Variants in UBE2E2 observed in about 807,000 individuals in gnomAD.
UBE2E2 encodes ubiquitin-conjugating enzyme E2 E2.
In UBE2E2, 6 loss-of-function variants were observed where a neutral mutation model predicts 24.7. The ratio of observed to expected loss-of-function variants is 0.24; its 90% CI spans 0.13 to 0.48. The LOEUF (loss-of-function observed/expected upper bound fraction) is 0.48, where lower values mean the gene tolerates loss of function less well. Ranked by LOEUF, UBE2E2 falls within the 20% of genes least tolerant of loss-of-function variation. The pLI is 0.99. For synonymous variants in UBE2E2, 104 were observed against 83.6 expected (o/e 1.24, Z -1.33); for missense variants, 169 against 245.0 (o/e 0.69, Z 2.07).
At chr3:23,349,413 C>A (rs1457076865) in intron 3 of UBE2E2, among the ~76,000 whole-genome samples, 3 of 152,186 alleles carry the variant, frequency 2.0e-5, no homozygotes, top group Middle Eastern at 3.2e-3. Flanking sequence ...CTGTGCGCGA[C>A]CCGAAGCAGG....
chr3:23,315,428 T>C (rs1277448841), intron 3 of UBE2E2, among the ~76,000 whole-genome samples: 4 of 152,194 alleles, frequency 2.6e-5, no homozygotes, highest in Non-Finnish European at 5.9e-5. Context: ...CTTCAGTATG[T>C]CAGTTGCATT....
At chr3:23,563,987 G>GAAAGAAAA (rs1553621227) in intron 5 of UBE2E2, among the ~76,000 whole-genome samples, 1 of 148,082 alleles carries the variant, frequency 6.8e-6, no homozygotes. Flanking sequence ...AAGAAAGAAA[G>GAAAGAAAA]AAAAAGAAAA....
intron 3 of UBE2E2, among the ~76,000 whole-genome samples, chr3:23,422,454 A>G (rs1269371694): frequency 6.6e-6 from 1 of 152,212 alleles, no homozygotes; most frequent in Non-Finnish European, 1.5e-5. Flanking sequence ...ATTTTTCAAG[A>G]GAAACCAAGA....
chr3:23,514,641 A>G lies in UBE2E2; in HGVS notation c.360+14901A>G, dbSNP rs187277507. 5.3e-5 allele frequency among the ~76,000 whole-genome samples: 8 copies of G among 152,086 alleles called. No homozygotes were observed. The East Asian group carries it at 1.2e-3, about 22-fold the overall frequency. Reference sequence around the variant, plus strand: ...AGATGGTGTGTCGGTGCCTGACTGCATGAGAAATGACAAATGGAAGGAGGC... The same window carrying G: ...AGATGGTGTGTCGGTGCCTGACTGCGTGAGAAATGACAAATGGAAGGAGGC... On this transcript the variant is annotated intron_variant, in intron 4 of 5. Coordinates refer to ENST00000396703, the MANE Select transcript of UBE2E2 (RefSeq NM_152653.4).
intron 3 of UBE2E2, among the ~76,000 whole-genome samples, chr3:23,332,718 T>TGTGTGTGTGTGTGTGTGCGC (rs1491331498): frequency 6.7e-6 from 1 of 148,260 alleles, no homozygotes; most frequent in African/African-American, 2.5e-5. Context: ...TGTGTGTGTG[T>TGTGTGTGTGTGTGTGTGCGC]GCAGCTATGG....
chr3:23,547,080 G>A (rs1695542044), intron 5 of UBE2E2, among the ~76,000 whole-genome samples: 1 of 152,160 alleles, frequency 6.6e-6, no homozygotes, highest in Admixed American at 6.5e-5. Flanking sequence ...GTATAAATAA[G>A]AAATTAAGTT....
intron 5 of UBE2E2, among the ~76,000 whole-genome samples, chr3:23,549,915 C>T (rs2125497881): frequency 6.6e-6 from 1 of 151,852 alleles, no homozygotes; most frequent in African/African-American, 2.4e-5. Flanking sequence ...TACTGGTAAT[C>T]CCAGCTACTC....
At chr3:23,591,847 G>GT (rs1326469231), downstream of UBE2E2, 3 of 152,102 alleles carry the variant, frequency 2.0e-5, no homozygotes, top group Admixed American at 6.5e-5. Context: ...TCACCACAAA[G>GT]TTTTTTATTT....
chr3:23,266,502 G>A (rs1192999302), intron 3 of UBE2E2, among the ~76,000 whole-genome samples: 14 of 152,174 alleles, frequency 9.2e-5, no homozygotes, highest in Admixed American at 3.9e-4. Context: ...AGTTTCTGCC[G>A]AGAGATCAGC....
chr3:23,406,988 A>G (rs2125376945), intron 3 of UBE2E2, among the ~76,000 whole-genome samples: 1 of 152,336 alleles, frequency 6.6e-6, no homozygotes. Context: ...GGTCCACAGG[A>G]AAGCCCATTC....
intron 3 of UBE2E2, among the ~76,000 whole-genome samples, chr3:23,247,692 A>G (rs1334602738): frequency 6.6e-6 from 1 of 152,352 alleles, no homozygotes. Context: ...ATTCTTCAAC[A>G]AAGTACAATG....
chr3:23,375,630 GAT>G (rs1445446900), intron 3 of UBE2E2, among the ~76,000 whole-genome samples: 4 of 152,090 alleles, frequency 2.6e-5, no homozygotes, highest in African/African-American at 9.7e-5. Context: ...TACTTCAGTG[GAT>G]ATGTTTTAAG....
At chr3:23,391,796 A>G (rs1696941423) in intron 3 of UBE2E2, among the ~76,000 whole-genome samples, 1 of 152,142 alleles carries the variant, frequency 6.6e-6, no homozygotes, top group Non-Finnish European at 1.5e-5. Flanking sequence ...GAGTTCAGTT[A>G]GGGAGAGTTT....
At chr3:23,582,827 T>C (rs1575723433) in intron 5 of UBE2E2, among the ~76,000 whole-genome samples, 1 of 151,182 alleles carries the variant, frequency 6.6e-6, no homozygotes, top group East Asian at 1.9e-4. Flanking sequence ...AGATATTTTC[T>C]CCCATGCTGT....
chr3:23,585,696 T>A (rs1377989256), intron 5 of UBE2E2, among the ~76,000 whole-genome samples: 1 of 152,194 alleles, frequency 6.6e-6, no homozygotes, highest in East Asian at 1.9e-4. Context: ...TGGCTTTTCT[T>A]TAGTAAAAAT....
intron 5 of UBE2E2, among the ~76,000 whole-genome samples, chr3:23,582,661 A>G (rs1301710328): frequency 6.6e-6 from 1 of 151,962 alleles, no homozygotes; most frequent in African/African-American, 2.4e-5. Flanking sequence ...ATCAGTGATC[A>G]TTTTTTCCTA....
intron 3 of UBE2E2, among the ~76,000 whole-genome samples, chr3:23,262,167 T>A (rs1697918923): frequency 6.6e-6 from 1 of 152,186 alleles, no homozygotes; most frequent in Non-Finnish European, 1.5e-5. Context: ...ATCCAGTATC[T>A]CTTTATGGTT....
chr3:23,251,464 G>C (rs1697572379), intron 3 of UBE2E2, among the ~76,000 whole-genome samples: 1 of 152,122 alleles, frequency 6.6e-6, no homozygotes, highest in African/African-American at 2.4e-5. Context: ...CAATTTCTCA[G>C]TTGTCAGAAA....
chr3:23,248,699 A>G (rs1697488027), intron 3 of UBE2E2, among the ~76,000 whole-genome samples: 2 of 148,204 alleles, frequency 1.3e-5, no homozygotes, highest in Non-Finnish European at 3.0e-5. Flanking sequence ...TGATCAGTGA[A>G]TGTGTGTCCC....
Sources: allele counts gnomAD v4.1 joint callset (sites outside exome capture counted in the v4.1 genomes callset), GRCh38; gene constraint gnomAD v4.1.1; transcripts MANE v1.5; gene names NCBI Gene and HGNC (gene_info 2026-07-23, HGNC 2026-07-21).